NFIC: variants seen among roughly 807,000 people sequenced by gnomAD.
NFIC encodes the protein nuclear factor I C, also known as nuclear factor 1 C-type.
In NFIC, 12 loss-of-function variants were observed where a neutral mutation model predicts 54.4. The observed-to-expected ratio is 0.22, with a 90% CI of 0.14 to 0.36. NFIC has a LOEUF of 0.36. NFIC is among the 10% of genes least tolerant of loss of function. The probability of loss-of-function intolerance (pLI) is 1.00; values close to 1 mark genes in which losing one functional copy is unlikely to be tolerated. For missense variants in NFIC, 575 were observed against 718.2 expected, an observed-to-expected ratio of 0.80 and a Z score of 2.28; for synonymous variants, 322 against 319.2, an observed-to-expected ratio of 1.01 and a Z score of -0.09.
In NFIC at chr19:3,420,788, T is replaced by C. The variant is rs150883708; in HGVS notation, c.563-4318T>C. Among the ~76,000 whole-genome samples the C allele has an allele frequency of 2.7e-3, 415 of 151,956 alleles. 1 individual carries two copies. The highest frequency in any genetic ancestry group is 9.6e-3 in the African/African-American group (399 of 41,460). ...CCAGACTAGAGTGCAATTGGCCCGA[T>C]CTGGGCTCACTGCAAAATCCGCCTC... On this transcript the variant is annotated intron_variant, in intron 2 of 10. Coordinates refer to ENST00000443272, the MANE Select transcript of NFIC (RefSeq NM_001245002.2).
At chr19:3,389,328 T>C (rs1320398526) in intron 2 of NFIC, among the ~76,000 whole-genome samples, 1 of 151,360 alleles carries the variant, frequency 6.6e-6, no homozygotes, top group Non-Finnish European at 1.5e-5. Flanking sequence ...AGAAAAGTCC[T>C]GCCCTCTCTG....
intron 2 of NFIC, among the ~76,000 whole-genome samples, chr19:3,422,239 T>A (rs1041949798): frequency 3.3e-5 from 5 of 151,240 alleles, no homozygotes; most frequent in Non-Finnish European, 5.9e-5. Flanking sequence ...ACCTGGACTG[T>A]TTTTTTGTAT....
chr19:3,371,997 C>CA (rs1491541609), intron 1 of NFIC, among the ~76,000 whole-genome samples: 1 of 71,968 alleles, frequency 1.4e-5, no homozygotes. Flanking sequence ...CCCTCTCTCT[C>CA]CCTCTCTCTC....
chr19:3,463,959 C>A lies in NFIC; in HGVS notation c.*1190C>A. On this transcript the variant is annotated 3_prime_UTR_variant, in exon 11 of 11. Transcript: ENST00000443272. ...CTCCAGTCAACCCTCATCGCCGTGC[C>A]CCCCCAGAGCTAGAGAGATGGGGCC... The A allele has an allele frequency of 5.1e-6, 5 of 985,080 alleles. No homozygotes were observed. Among genetic ancestry groups the A allele is most frequent in the South Asian group, 4.7e-5 (1 of 21,260 alleles). 61.0% of individuals were successfully genotyped at this position (985,080 alleles called of 1,614,324 possible).
intron 10 of NFIC, among the ~76,000 whole-genome samples, chr19:3,460,368 C>T (rs2082621577): frequency 6.6e-6 from 1 of 152,212 alleles, no homozygotes; most frequent in Admixed American, 6.5e-5. Flanking sequence ...TCTGCCGCTT[C>T]CATGCTGGTG....
intron 2 of NFIC, among the ~76,000 whole-genome samples, chr19:3,414,592 C>CTAAAATAAAATAAAATAAAA (rs150304662): frequency 1.5e-5 from 2 of 131,664 alleles, no homozygotes; most frequent in South Asian, 2.6e-4. Flanking sequence ...GAGACTGCAT[C>CTAAAATAAAATAAAATAAAA]TAAAATAAAA....
Position 3,462,736 on chromosome 19 carries a change from C to T in NFIC, c.1510-16C>T. The T allele has an allele frequency of 6.2e-7, 1 of 1,613,746 alleles. No homozygotes were observed. Among genetic ancestry groups the T allele is most frequent in the Non-Finnish European group, 8.5e-7 (1 of 1,179,926 alleles). ...TTTTTCTCTCTCCCTCTTTCTGTCGCCACTGGGCCACTCAGTCCTGGTATC... is the reference window on the plus strand; with the variant it reads ...TTTTTCTCTCTCCCTCTTTCTGTCGTCACTGGGCCACTCAGTCCTGGTATC... On this transcript the variant is annotated splice_polypyrimidine_tract_variant and intron_variant, in intron 10 of 10. Transcript: ENST00000443272.
chr19:3,404,077 G>A (rs1280125256), intron 2 of NFIC, among the ~76,000 whole-genome samples: 1 of 150,726 alleles, frequency 6.6e-6, no homozygotes, highest in Non-Finnish European at 1.5e-5. Flanking sequence ...GGACGCGTGC[G>A]TGTGCGTTCA....
chr19:3,434,566 C>T (rs1341389442), intron 5 of NFIC, among the ~76,000 whole-genome samples, 166 bp downstream of exon 5: 3 of 152,182 alleles, frequency 2.0e-5, no homozygotes, highest in African/African-American at 7.2e-5. Flanking sequence ...GCCAGCCCCA[C>T]GTGCCTCTTC....
chr19:3,452,511 G>A lies in NFIC; in HGVS notation c.1114G>A (p.Ala372Thr), dbSNP rs570186658. The change falls in exon 8 of 11, where the codon GCT becomes ACT. Residue 372 changes from alanine to threonine, a missense_variant. Transcript: ENST00000443272. The surrounding 1 kb of genome is among the most constrained non-coding windows in gnomAD (Gnocchi z 5.3). Reference protein sequence around the residue: ...GIARSPHPSSALHFPTTSILP... With the variant: ...GIARSPHPSSTLHFPTTSILP... ...CGCCCGGAGCCCACACCCGTCCTCCGCTCTGCATTTCCCTACGACGTCCAT... is the reference window on the plus strand; with the variant it reads ...CGCCCGGAGCCCACACCCGTCCTCCACTCTGCATTTCCCTACGACGTCCAT... 69 of 1,612,604 alleles carry A rather than the reference G, an allele frequency of 4.3e-5. No individual in the cohort carries two copies. The South Asian group carries it at 4.5e-4, about 11-fold the overall frequency.
rs1335615542 is a variant in NFIC at position 3,468,608 on chromosome 19, C to G, written c.*5839C>G. ...GGGGGCAGCTGGGAGGAGGGAGGGA[C>G]AAAACAAAACATTTTCCTTTGGGTT... On this transcript the variant is annotated 3_prime_UTR_variant, in exon 11 of 11. Coordinates refer to ENST00000443272, the MANE Select transcript of NFIC (RefSeq NM_001245002.2). 4 of 151,848 alleles carry G rather than the reference C, an allele frequency of 2.6e-5. No homozygotes were observed. The allele number at this position is 151,848 out of a possible 1,614,324, so 9.4% of individuals were successfully genotyped here.
Position 3,454,260 on chromosome 19 carries a change from G to A in NFIC, c.1423+344G>A, listed in dbSNP as rs533312668. On this transcript the variant is annotated intron_variant, in intron 9 of 10. Coordinates refer to ENST00000443272, the MANE Select transcript of NFIC (RefSeq NM_001245002.2). ...GACACGGATCTCACAGTGGCGGCCC[G>A]AGGGCCAGACTCGACCCCCAGACTG... The A allele has an allele frequency of 3.0e-5, 34 of 1,142,128 alleles. No homozygotes were observed. The African/African-American group carries it at 3.9e-4, about 13-fold the overall frequency. The allele number at this position is 1,142,128 out of a possible 1,614,324, so 70.7% of individuals were successfully genotyped here.
chr19:3,377,449 C>T (rs1343502378), intron 1 of NFIC, among the ~76,000 whole-genome samples: 1 of 151,156 alleles, frequency 6.6e-6, no homozygotes, highest in African/African-American at 2.4e-5. Flanking sequence ...AAACAGCTTT[C>T]TGTGCTAGGA....
intron 6 of NFIC, among the ~76,000 whole-genome samples, chr19:3,437,560 T>G (rs2082222939): frequency 6.7e-6 from 1 of 149,338 alleles, no homozygotes; most frequent in Non-Finnish European, 1.5e-5. Context: ...GTTTTTGTTT[T>G]GAGATGGAGT....
intron 1 of NFIC, among the ~76,000 whole-genome samples, chr19:3,378,810 G>T (rs1436309579): frequency 6.6e-6 from 1 of 152,102 alleles, no homozygotes; most frequent in Non-Finnish European, 1.5e-5. Flanking sequence ...CTGCTTCTCT[G>T]GTCTGTTTCT....
At position 3,433,700 on chromosome 19, in the gene NFIC, CCT is replaced by C. The variant is rs547716765; in HGVS notation, c.709+109_709+110del. 509 of 1,233,324 alleles carry C rather than the reference CCT, an allele frequency of 4.1e-4. 7 individuals carry two copies. In the East Asian group the frequency reaches 0.012, roughly 30 times the overall value. The allele number at this position is 1,233,324 out of a possible 1,614,324, so 76.4% of individuals were successfully genotyped here. On this transcript the variant is annotated intron_variant, in intron 4 of 10. Coordinates refer to ENST00000443272, the MANE Select transcript of NFIC (RefSeq NM_001245002.2). Reference sequence around the variant, plus strand: ...ACTCCTTGTCCTTTCCAGACAACCCCCTGTGTCACTAAGCCAAGGTTCCTAGA... The same window carrying C: ...ACTCCTTGTCCTTTCCAGACAACCCCGTGTCACTAAGCCAAGGTTCCTAGA...
chr19:3,406,806 C>T (rs1419387957), intron 2 of NFIC, among the ~76,000 whole-genome samples: 6 of 152,096 alleles, frequency 3.9e-5, no homozygotes, highest in Admixed American at 1.3e-4. Flanking sequence ...GATTCTGTGC[C>T]GGGAGCTGTG....
intron 10 of NFIC, among the ~76,000 whole-genome samples, chr19:3,461,788 G>A (rs2082642199): frequency 6.6e-6 from 1 of 152,018 alleles, no homozygotes; most frequent in Admixed American, 6.6e-5. Flanking sequence ...AGGCAGAGTG[G>A]CTCACGCCTG....
chr19:3,467,760 T>TATATAC lies in NFIC; in HGVS notation c.*4996_*4997insCATATA, dbSNP rs1555685933. 2 of 111,128 alleles carry TATATAC rather than the reference T, an allele frequency of 1.8e-5. No individual in the cohort carries two copies. Among genetic ancestry groups the TATATAC allele is most frequent in the Admixed American group, 2.0e-4 (2 of 10,036 alleles). The allele number at this position is 111,128 out of a possible 1,614,324, so 6.9% of individuals were successfully genotyped here. A position where few individuals can be genotyped will look rare whatever the true frequency, so the allele number is the denominator to read the frequency against. Reference sequence around the variant, plus strand: ...CTCCAGTGTAGGGCTATACTATACATATATATATATATATATATATATATA... The same window carrying TATATAC: ...CTCCAGTGTAGGGCTATACTATACATATATACATATATATATATATATATATATATA... On this transcript the variant is annotated 3_prime_UTR_variant, in exon 11 of 11. Transcript: ENST00000443272.
Sources: gnomAD v4.1 joint callset for allele counts (sites outside exome capture counted in the v4.1 genomes callset) on GRCh38, gnomAD v4.1.1 for gene constraint, Gnocchi (gnomAD v3.1) non-coding constraint, MANE v1.5 for transcripts, NCBI Gene and HGNC (gene_info 2026-07-23, HGNC 2026-07-21) for gene names.